The following SLC39A12 variants were observed in gnomAD, a reference collection of about 807,000 sequenced individuals.
SLC39A12 encodes the protein solute carrier family 39 member 12.
SLC39A12 carries 63 observed loss-of-function variants against 71.1 expected under a neutral mutation model. The ratio of observed to expected loss-of-function variants is 0.89; its 90% CI spans 0.72 to 1.09. SLC39A12 has a LOEUF of 1.09. SLC39A12 is among the 50% of genes least tolerant of loss of function. The pLI is 0.00. For missense variants in SLC39A12, 892 were observed against 812.6 expected (o/e 1.10, Z -1.19); for synonymous variants, 351 against 301.3 (o/e 1.16, Z -1.71).
At chr10:17,994,250 G>A (rs1229543335) in intron 9 of SLC39A12, among the ~76,000 whole-genome samples, 1 of 152,042 alleles carries the variant, frequency 6.6e-6, no homozygotes, top group Non-Finnish European at 1.5e-5. Context: ...AATCTCTGAA[G>A]GTACCTTAGT....
At chr10:17,953,074 C>T in intron 1 of SLC39A12, 117 bp from the exon 2 acceptor site, 1 of 633,378 alleles carries the variant, frequency 1.6e-6, no homozygotes, top group Non-Finnish European at 2.7e-6. Context: ...CCTACAGACC[C>T]CCGCTGTGTA....
At chr10:17,990,792 C>G (rs1211655590) in intron 7 of SLC39A12, among the ~76,000 whole-genome samples, 1 of 152,162 alleles carries the variant, frequency 6.6e-6, no homozygotes, top group Non-Finnish European at 1.5e-5. Context: ...GTTGTACAAA[C>G]AGATGCAGAT....
chr10:18,000,544 T>A (rs969067736), intron 10 of SLC39A12, 123 bp from the exon 11 acceptor site: 2 of 895,170 alleles, frequency 2.2e-6, no homozygotes, highest in African/African-American at 3.3e-5. Context: ...CAAAGTGATG[T>A]TATTTAATCA....
chr10:18,029,166 C>T lies in SLC39A12; in HGVS notation c.1948-13539C>T, dbSNP rs1030777334. On this transcript the variant is annotated intron_variant, in intron 12 of 12. Transcript: ENST00000377369. ...GATTACAGGCGTGAGCCACCGTGCC[C>T]AGCCCAAAACATTTTCTTAATGTCA... 2.0e-5 allele frequency among the ~76,000 whole-genome samples: 3 copies of T among 152,164 alleles called. No homozygotes were observed. The East Asian group carries it at 5.8e-4, about 29-fold the overall frequency.
intron 12 of SLC39A12, among the ~76,000 whole-genome samples, chr10:18,033,961 T>C (rs1328532177): frequency 6.7e-6 from 1 of 149,392 alleles, no homozygotes; most frequent in Non-Finnish European, 1.5e-5. Context: ...TTGAGTGGCT[T>C]TGAGTGAGAT....
At chr10:17,985,989 C>G (rs533740033) in intron 6 of SLC39A12, among the ~76,000 whole-genome samples, 1 of 152,278 alleles carries the variant, frequency 6.6e-6, no homozygotes, top group East Asian at 1.9e-4. Context: ...ATTTTAGTCA[C>G]TGAAAATAAT....
intron 4 of SLC39A12, among the ~76,000 whole-genome samples, chr10:17,967,818 C>A (rs1398066383): frequency 6.7e-6 from 1 of 149,636 alleles, no homozygotes; most frequent in African/African-American, 2.5e-5. Context: ...ACCCAGGAGG[C>A]GGAGCTGGCA....
rs537467358 is a variant in SLC39A12 at position 17,973,937 on chromosome 10, A to G, written c.752-3965A>G. Among the ~76,000 whole-genome samples, 153 of 151,290 alleles carry G rather than the reference A, an allele frequency of 1.0e-3. 1 individual carries two copies. Among genetic ancestry groups the G allele is most frequent in the Non-Finnish European group, 6.0e-4 (41 of 67,902 alleles). ...TCTTTTGTCTCCTCTGTGTATTTTC[A>G]AATAGACCCTGTCTTGCAAGCTTAC... On this transcript the variant is annotated intron_variant, in intron 4 of 12. Transcript: ENST00000377369.
intron 4 of SLC39A12, 23 bp from the exon 5 acceptor site, chr10:17,977,879 C>T: frequency 6.5e-7 from 1 of 1,548,278 alleles, no homozygotes; most frequent in Non-Finnish European, 8.7e-7. Context: ...TATGTGACAC[C>T]AGATTTTATA....
intron 10 of SLC39A12, among the ~76,000 whole-genome samples, chr10:18,000,243 G>T (rs1835794719): frequency 1.3e-5 from 2 of 152,174 alleles, no homozygotes. Context: ...CACGCTAGGG[G>T]AATAAGTAGA....
intron 4 of SLC39A12, among the ~76,000 whole-genome samples, chr10:17,972,558 G>A (rs1027529106): frequency 2.6e-5 from 4 of 152,088 alleles, no homozygotes; most frequent in African/African-American, 7.2e-5. Context: ...AAGTCCTCTT[G>A]CTGGATTGAC....
chr10:17,997,081 A>T (rs927958652), intron 10 of SLC39A12, among the ~76,000 whole-genome samples: 15 of 152,012 alleles, frequency 9.9e-5, no homozygotes, highest in Non-Finnish European at 1.8e-4. Flanking sequence ...TGCACCAACA[A>T]TTTTTTTGTG....
In SLC39A12 at chr10:18,042,711, G is replaced by C; in HGVS notation, c.1954G>C (p.Glu652Gln). ...LYLSLVEMLP[E>Q]MTHVQTQRPW... Reference sequence around the variant, plus strand: ...TTTTTTATTCTTTTTTTAGCTTCCTGAAATGACTCATGTTCAAACACAACG... The same window carrying C: ...TTTTTTATTCTTTTTTTAGCTTCCTCAAATGACTCATGTTCAAACACAACG... The change falls in exon 13 of 13, where the codon GAA (glutamate) becomes CAA (glutamine). Residue 652 changes from glutamate (E) to glutamine (Q), a missense_variant. Glu to Gln is a conservative substitution (Grantham distance 29, BLOSUM62 2). Coordinates refer to ENST00000377369, the MANE Select transcript of SLC39A12 (RefSeq NM_001145195.2). The C allele has an allele frequency of 1.2e-6, 2 of 1,602,900 alleles. No individual in the cohort carries two copies. The highest frequency in any genetic ancestry group is 1.7e-6 in the Non-Finnish European group (2 of 1,175,996).
At chr10:18,023,718 C>T (rs978323477) in intron 12 of SLC39A12, among the ~76,000 whole-genome samples, 6 of 152,190 alleles carry the variant, frequency 3.9e-5, no homozygotes, top group African/African-American at 1.2e-4. Flanking sequence ...ATTCTCTTTC[C>T]AGCCCAAGGG....
At chr10:17,971,917 A>G (rs1834984595) in intron 4 of SLC39A12, among the ~76,000 whole-genome samples, 2 of 152,064 alleles carry the variant, frequency 1.3e-5, no homozygotes, top group South Asian at 4.2e-4. Flanking sequence ...TTTAAGATGC[A>G]TTGTTAGATT....
intron 3 of SLC39A12, 131 bp downstream of exon 3, chr10:17,961,993 T>G: frequency 2.2e-6 from 2 of 912,948 alleles, no homozygotes; most frequent in Non-Finnish European, 3.2e-6. Context: ...GTTTTGGTTA[T>G]GAGATGTTAA....
In SLC39A12 at chr10:18,042,698, T is replaced by G. The variant is rs1837291874; in HGVS notation, c.1948-7T>G. The G allele has an allele frequency of 1.3e-6, 2 of 1,599,758 alleles. No individual in the cohort carries two copies. The highest frequency in any genetic ancestry group is 3.5e-5 in the Admixed American group (2 of 56,694). On this transcript the variant is annotated splice_region_variant and splice_polypyrimidine_tract_variant and intron_variant, in intron 12 of 12. Transcript: ENST00000377369. ...GATCTTATTCTGGTTTTTTATTCTT[T>G]TTTTAGCTTCCTGAAATGACTCATG...
chr10:18,013,868 A>C (rs117275527), intron 12 of SLC39A12, among the ~76,000 whole-genome samples: 4,601 of 152,192 alleles, frequency 0.03, 107 homozygotes, highest in Middle Eastern at 0.12. Flanking sequence ...TGATTATTCT[A>C]GTTTTGTAGT....
intron 12 of SLC39A12, among the ~76,000 whole-genome samples, chr10:18,021,113 T>A (rs1037569074): frequency 6.6e-6 from 1 of 152,116 alleles, no homozygotes; most frequent in Non-Finnish European, 1.5e-5. Flanking sequence ...GTTTTACATT[T>A]AAGTCTTTAA....
Sources: gnomAD v4.1 joint callset for allele counts (sites outside exome capture counted in the v4.1 genomes callset) on GRCh38, gnomAD v4.1.1 for gene constraint, MANE v1.5 for transcripts, NCBI Gene and HGNC (gene_info 2026-07-23, HGNC 2026-07-21) for gene names.